Variants in PDE4B observed in about 807,000 individuals in gnomAD.
PDE4B encodes the protein 3',5'-cyclic-AMP phosphodiesterase 4B.
A neutral mutation model predicts 82.2 loss-of-function variants in PDE4B; 20 were observed. That is an observed-to-expected ratio of 0.24 (90% CI 0.17 to 0.35). The LOEUF (loss-of-function observed/expected upper bound fraction) is 0.35. PDE4B is among the 10% of genes least tolerant of loss of function. The pLI is 1.00. For synonymous variants in PDE4B, 320 were observed against 318.9 expected (o/e 1.00, Z -0.04); for missense variants, 655 against 907.2 (o/e 0.72, Z 3.57).
intron 3 of PDE4B, among the ~76,000 whole-genome samples, chr1:66,226,448 CAGA>C (rs1651460688): frequency 6.6e-6 from 1 of 152,138 alleles, no homozygotes; most frequent in Non-Finnish European, 1.5e-5. Flanking sequence ...GAAAAGTGTG[CAGA>C]AGGAGGTGTA....
intron 6 of PDE4B, among the ~76,000 whole-genome samples, chr1:66,259,455 C>G (rs1343263550): frequency 6.6e-6 from 1 of 152,180 alleles, no homozygotes; most frequent in Non-Finnish European, 1.5e-5. Flanking sequence ...TATGGACTTA[C>G]TGTTCTTTCT....
At chr1:66,326,052 G>A (rs1202567162) in intron 7 of PDE4B, among the ~76,000 whole-genome samples, 1 of 152,124 alleles carries the variant, frequency 6.6e-6, no homozygotes, top group African/African-American at 2.4e-5. Context: ...GGGCATCCTG[G>A]TCTATGTCAC....
chr1:66,202,718 C>G (rs1649114931), intron 3 of PDE4B, among the ~76,000 whole-genome samples: 2 of 152,012 alleles, frequency 1.3e-5, no homozygotes, highest in Non-Finnish European at 2.9e-5. Flanking sequence ...TCCTCCATCC[C>G]TTTATTTTGA....
chr1:65,858,178 GCAAC>G (rs1351949060), intron 1 of PDE4B, among the ~76,000 whole-genome samples: 18 of 152,036 alleles, frequency 1.2e-4, no homozygotes, highest in African/African-American at 4.1e-4. Flanking sequence ...AAATTCCAGG[GCAAC>G]TCATTGTAGT....
At chr1:66,061,684 G>T (rs993149209) in intron 3 of PDE4B, among the ~76,000 whole-genome samples, 5 of 152,048 alleles carry the variant, frequency 3.3e-5, no homozygotes, top group Admixed American at 3.3e-4. Context: ...CTTTGTGTTA[G>T]CAAAAGGGAG....
chr1:65,985,821 T>TA (rs1650928855), intron 3 of PDE4B, among the ~76,000 whole-genome samples: 1 of 152,170 alleles, frequency 6.6e-6, no homozygotes, highest in African/African-American at 2.4e-5. Flanking sequence ...ATTACTCTGC[T>TA]AAAACCAGAA....
intron 8 of PDE4B, among the ~76,000 whole-genome samples, chr1:66,354,176 T>A (rs1662047141): frequency 6.6e-6 from 1 of 152,210 alleles, no homozygotes; most frequent in Non-Finnish European, 1.5e-5. Context: ...GGTCCTAACC[T>A]TTTTTAAATG....
At chr1:65,806,445 A>G (rs1203159771) in intron 1 of PDE4B, among the ~76,000 whole-genome samples, 1 of 152,180 alleles carries the variant, frequency 6.6e-6, no homozygotes, top group African/African-American at 2.4e-5. Flanking sequence ...AAAATATATG[A>G]TATATTTCTC....
intron 3 of PDE4B, among the ~76,000 whole-genome samples, chr1:65,989,725 T>G (rs1375653756): frequency 6.6e-6 from 1 of 152,252 alleles, no homozygotes; most frequent in East Asian, 1.9e-4. Context: ...TAGATTCTAT[T>G]TGCCTTTTCT....
At chr1:66,319,559 G>C (rs1364751812) in intron 7 of PDE4B, among the ~76,000 whole-genome samples, 1 of 152,150 alleles carries the variant, frequency 6.6e-6, no homozygotes, top group African/African-American at 2.4e-5. Context: ...CTTAAAGATT[G>C]TATTGTATAT....
intron 3 of PDE4B, among the ~76,000 whole-genome samples, chr1:66,235,911 C>G (rs1652389570): frequency 6.6e-6 from 1 of 152,146 alleles, no homozygotes; most frequent in Non-Finnish European, 1.5e-5. Context: ...TAATAGAAAA[C>G]AGTAATGTAC....
At chr1:66,281,592 T>A (rs1656307535) in intron 7 of PDE4B, among the ~76,000 whole-genome samples, 1 of 152,234 alleles carries the variant, frequency 6.6e-6, no homozygotes, top group Non-Finnish European at 1.5e-5. Context: ...TAGGAGCATA[T>A]ATGATGGAAC....
At chr1:65,833,963 C>T (rs760222519) in intron 1 of PDE4B, among the ~76,000 whole-genome samples, 3 of 152,072 alleles carry the variant, frequency 2.0e-5, no homozygotes, top group Non-Finnish European at 4.4e-5. Flanking sequence ...TCTATCATGT[C>T]TGTATGGTGG....
At chr1:66,030,133 G>C (rs1653689593) in intron 3 of PDE4B, among the ~76,000 whole-genome samples, 1 of 149,854 alleles carries the variant, frequency 6.7e-6, no homozygotes, top group African/African-American at 2.5e-5. Flanking sequence ...TTTTGATTCT[G>C]TTTATGGGGT....
At chr1:66,181,315 T>C (rs1647058341) in intron 3 of PDE4B, among the ~76,000 whole-genome samples, 1 of 152,178 alleles carries the variant, frequency 6.6e-6, no homozygotes, top group Non-Finnish European at 1.5e-5. Flanking sequence ...TATTACCCGA[T>C]TGGCAAGAAG....
intron 3 of PDE4B, among the ~76,000 whole-genome samples, chr1:66,056,264 G>A (rs1232082533): frequency 6.6e-6 from 1 of 152,106 alleles, no homozygotes; most frequent in Non-Finnish European, 1.5e-5. Flanking sequence ...TATTACAGAA[G>A]TTATGGGGGT....
chr1:66,190,704 G>T (rs768335369), intron 3 of PDE4B, among the ~76,000 whole-genome samples: 1 of 152,160 alleles, frequency 6.6e-6, no homozygotes, highest in Non-Finnish European at 1.5e-5. Context: ...GTATTAGGGT[G>T]GGAGTGACCT....
intron 3 of PDE4B, among the ~76,000 whole-genome samples, chr1:66,214,036 G>T (rs1171813677): frequency 1.3e-5 from 2 of 151,988 alleles, no homozygotes; most frequent in African/African-American, 4.8e-5. Flanking sequence ...TAATATTTTT[G>T]TATCAAAAAG....
intron 3 of PDE4B, among the ~76,000 whole-genome samples, chr1:65,966,566 C>T (rs761659893): frequency 6.6e-6 from 1 of 152,060 alleles, no homozygotes; most frequent in Non-Finnish European, 1.5e-5. Context: ...TTACATGGAA[C>T]CAAAAAAGAG....
Sources: gnomAD v4.1 joint callset for allele counts (sites outside exome capture counted in the v4.1 genomes callset) on GRCh38, gnomAD v4.1.1 for gene constraint, MANE v1.5 for transcripts, NCBI Gene and HGNC (gene_info 2026-07-23, HGNC 2026-07-21) for gene names.